The following SPAG16 variants were observed in gnomAD, a reference collection of about 807,000 sequenced individuals.
SPAG16 encodes sperm-associated antigen 16 protein.
A neutral mutation model predicts 80.4 loss-of-function variants in SPAG16; 86 were observed. The ratio of observed to expected loss-of-function variants is 1.07; its 90% CI spans 0.90 to 1.28. SPAG16 has a LOEUF of 1.28. SPAG16 is among the 50% of genes most tolerant of loss of function. The probability of loss-of-function intolerance (pLI) is 0.00; values close to 1 mark genes in which losing one functional copy is unlikely to be tolerated. For synonymous variants in SPAG16, 294 were observed against 265.9 expected (o/e 1.11, Z -1.03); for missense variants, 870 against 765.3 (o/e 1.14, Z -1.61).
intron 10 of SPAG16, among the ~76,000 whole-genome samples, chr2:213,841,647 T>C (rs975290896): frequency 3.9e-5 from 6 of 152,172 alleles, no homozygotes; most frequent in African/African-American, 1.2e-4. Flanking sequence ...GTTAATGTAG[T>C]ACAATTAGCA....
intron 15 of SPAG16, among the ~76,000 whole-genome samples, chr2:214,256,200 T>C (rs1690671394): frequency 6.6e-6 from 1 of 151,974 alleles, no homozygotes; most frequent in Non-Finnish European, 1.5e-5. Context: ...TGATGTCTAA[T>C]GATGTTGAGC....
intron 9 of SPAG16, among the ~76,000 whole-genome samples, chr2:213,412,912 AT>A: frequency 6.6e-6 from 1 of 152,336 alleles, no homozygotes; most frequent in Middle Eastern, 3.4e-3. Context: ...GGGTTAGAAA[AT>A]TAATTTAAAA....
intron 10 of SPAG16, among the ~76,000 whole-genome samples, chr2:213,503,903 C>A (rs1416229058): frequency 6.6e-6 from 1 of 152,166 alleles, no homozygotes; most frequent in African/African-American, 2.4e-5. Flanking sequence ...GGAAAGCCAG[C>A]AAACTGAGAA....
intron 10 of SPAG16, among the ~76,000 whole-genome samples, chr2:213,721,401 T>C (rs2066529502): frequency 6.6e-6 from 1 of 152,242 alleles, no homozygotes. Flanking sequence ...GCCTGGCCTA[T>C]AATTCCAATT....
intron 7 of SPAG16, among the ~76,000 whole-genome samples, chr2:213,357,061 G>C (rs187009246): frequency 1.9e-4 from 29 of 152,256 alleles, no homozygotes; most frequent in African/African-American, 6.5e-4. Context: ...GTGTGGTTTT[G>C]AGTGAGTTTC....
At chr2:214,181,670 A>C (rs1269640325) in intron 15 of SPAG16, among the ~76,000 whole-genome samples, 1 of 151,834 alleles carries the variant, frequency 6.6e-6, no homozygotes, top group Non-Finnish European at 1.5e-5. Flanking sequence ...ATCTAAGTTT[A>C]AATTCCATAA....
intron 10 of SPAG16, among the ~76,000 whole-genome samples, chr2:213,545,651 A>T (rs2076588396): frequency 6.6e-6 from 1 of 151,728 alleles, no homozygotes. Flanking sequence ...TGCTTGTATC[A>T]CTTCTGCTTA....
intron 15 of SPAG16, among the ~76,000 whole-genome samples, chr2:214,181,759 A>T (rs1033375041): frequency 1.3e-5 from 2 of 151,848 alleles, no homozygotes; most frequent in African/African-American, 4.8e-5. Context: ...GCAAGTACCC[A>T]GTAGTCAAGT....
intron 10 of SPAG16, among the ~76,000 whole-genome samples, chr2:213,850,619 G>A (rs981406354): frequency 6.6e-6 from 1 of 152,118 alleles, no homozygotes; most frequent in Non-Finnish European, 1.5e-5. Context: ...AAGAAGAGAA[G>A]GTTTTATGGC....
chr2:213,692,810 G>GAAAAAAAAAA (rs747223234), intron 10 of SPAG16, among the ~76,000 whole-genome samples: 1 of 86,210 alleles, frequency 1.2e-5, no homozygotes. Context: ...ACTCGGTCTC[G>GAAAAAAAAAA]AAAAAAAAAA....
chr2:213,649,856 T>G (rs1216315020), intron 10 of SPAG16, among the ~76,000 whole-genome samples: 1 of 152,108 alleles, frequency 6.6e-6, no homozygotes, highest in Non-Finnish European at 1.5e-5. Context: ...CACAGCTCAT[T>G]TTATTAAGAA....
intron 10 of SPAG16, among the ~76,000 whole-genome samples, chr2:213,506,507 A>C (rs900677792): frequency 1.1e-4 from 17 of 152,084 alleles, no homozygotes; most frequent in African/African-American, 3.9e-4. Context: ...TTCCTTCTAC[A>C]CCTTTTTCAT....
intron 12 of SPAG16, among the ~76,000 whole-genome samples, chr2:213,992,100 T>C (rs1357115926): frequency 6.6e-6 from 1 of 152,162 alleles, no homozygotes; most frequent in African/African-American, 2.4e-5. Context: ...TTTCAAATTT[T>C]AATTTTTAGC....
At chr2:213,670,081 T>C (rs1018198294) in intron 10 of SPAG16, among the ~76,000 whole-genome samples, 2 of 151,700 alleles carry the variant, frequency 1.3e-5, no homozygotes, top group Non-Finnish European at 2.9e-5. Flanking sequence ...CACTGCAAAC[T>C]CTGCCTCCGG....
At chr2:214,146,138 C>T (rs775492502) in intron 14 of SPAG16, among the ~76,000 whole-genome samples, 7 of 152,232 alleles carry the variant, frequency 4.6e-5, no homozygotes, top group South Asian at 4.1e-4. Context: ...TCTTAATTTA[C>T]GTTAAATGCC....
At chr2:213,707,954 G>A (rs1349239893) in intron 10 of SPAG16, among the ~76,000 whole-genome samples, 2 of 152,054 alleles carry the variant, frequency 1.3e-5, no homozygotes, top group East Asian at 1.9e-4. Context: ...TAATGAAAAT[G>A]TTTTTATCTT....
intron 14 of SPAG16, among the ~76,000 whole-genome samples, chr2:214,114,548 G>T (rs1415469942): frequency 6.6e-6 from 1 of 152,190 alleles, no homozygotes; most frequent in Non-Finnish European, 1.5e-5. Context: ...CTCACAGTTG[G>T]ATCTCAGACT....
chr2:213,673,262 A>G (rs1299674768), intron 10 of SPAG16, among the ~76,000 whole-genome samples: 1 of 152,148 alleles, frequency 6.6e-6, no homozygotes, highest in African/African-American at 2.4e-5. Flanking sequence ...ATAGGAATTA[A>G]TATTTCTAGA....
chr2:213,814,819 G>A (rs2072414356), intron 10 of SPAG16, among the ~76,000 whole-genome samples: 1 of 150,918 alleles, frequency 6.6e-6, no homozygotes, highest in South Asian at 2.1e-4. Flanking sequence ...AATAAAGAGG[G>A]ACATTACATG....
Sources: gnomAD v4.1 joint callset for allele counts (sites outside exome capture counted in the v4.1 genomes callset) on GRCh38, gnomAD v4.1.1 for gene constraint, MANE v1.5 for transcripts, NCBI Gene and HGNC (gene_info 2026-07-23, HGNC 2026-07-21) for gene names.